GRM8: variants seen among roughly 807,000 people sequenced by gnomAD.
The protein encoded by GRM8 is glutamate metabotropic receptor 8, also known as metabotropic glutamate receptor 8.
A neutral mutation model predicts 87.2 loss-of-function variants in GRM8; 47 were observed. The ratio of observed to expected loss-of-function variants is 0.54; its 90% confidence interval spans 0.43 to 0.69. GRM8 has a LOEUF of 0.69. GRM8 is among the 30% of genes least tolerant of loss of function. GRM8 has a pLI of 0.00. For missense variants in GRM8, 1,019 were observed against 1,139.2 expected, an observed-to-expected ratio of 0.89 and a Z score of 1.52; for synonymous variants, 396 against 404.5, an observed-to-expected ratio of 0.98 and a Z score of 0.25.
chr7:127,067,770 A>G (rs1427455661), intron 3 of GRM8, among the ~76,000 whole-genome samples: 1 of 152,214 alleles, frequency 6.6e-6, no homozygotes, highest in Admixed American at 6.5e-5. Flanking sequence ...TTAGAATAGT[A>G]TGTCAGGTTC....
At chr7:126,655,169 CAAT>C (rs1327440941) in intron 7 of GRM8, among the ~76,000 whole-genome samples, 11 of 152,146 alleles carry the variant, frequency 7.2e-5, no homozygotes, top group African/African-American at 2.7e-4. Flanking sequence ...GTCATAAAGA[CAAT>C]AATAATATCC....
At chr7:127,124,990 T>C (rs1181374597) in intron 2 of GRM8, among the ~76,000 whole-genome samples, 13 of 152,250 alleles carry the variant, frequency 8.5e-5, no homozygotes, top group Non-Finnish European at 1.2e-4. Context: ...ATTAAGACTA[T>C]ACAGAAATAC....
chr7:127,133,516 C>G (rs1247363029), intron 2 of GRM8, among the ~76,000 whole-genome samples: 1 of 151,488 alleles, frequency 6.6e-6, no homozygotes, highest in Non-Finnish European at 1.5e-5. Flanking sequence ...ACCATCCTGG[C>G]TAACGCAGTG....
chr7:126,584,134 T>G (rs1795872855), intron 8 of GRM8, among the ~76,000 whole-genome samples: 1 of 152,220 alleles, frequency 6.6e-6, no homozygotes, highest in African/African-American at 2.4e-5. Context: ...AATTAGCACT[T>G]TTTAACAATT....
At chr7:126,802,023 C>T (rs975198854) in intron 6 of GRM8, among the ~76,000 whole-genome samples, 19 of 152,128 alleles carry the variant, frequency 1.2e-4, no homozygotes, top group African/African-American at 2.7e-4. Flanking sequence ...GATAGCTCTA[C>T]GTTTCCCTTG....
intron 3 of GRM8, among the ~76,000 whole-genome samples, chr7:126,953,073 A>G (rs1808328241): frequency 6.6e-6 from 1 of 152,082 alleles, no homozygotes. Context: ...CATTTTTGCA[A>G]CTTTTCTTTA....
intron 3 of GRM8, among the ~76,000 whole-genome samples, chr7:126,996,909 C>T (rs1411251293): frequency 6.6e-6 from 1 of 151,920 alleles, no homozygotes; most frequent in Non-Finnish European, 1.5e-5. Context: ...TCCAAAGAAA[C>T]ATCAGACTTA....
chr7:126,622,124 T>C (rs946369218), intron 7 of GRM8, among the ~76,000 whole-genome samples: 4 of 152,140 alleles, frequency 2.6e-5, no homozygotes, highest in African/African-American at 9.7e-5. Context: ...TGATAAAATT[T>C]TATTGTCTGA....
intron 7 of GRM8, among the ~76,000 whole-genome samples, chr7:126,722,734 C>T (rs974964116): frequency 6.6e-6 from 1 of 151,598 alleles, no homozygotes; most frequent in Admixed American, 6.6e-5. Context: ...TTACGTATCA[C>T]AATAATAATT....
chr7:126,817,051 C>T (rs1006323263), intron 6 of GRM8, among the ~76,000 whole-genome samples: 1 of 152,046 alleles, frequency 6.6e-6, no homozygotes, highest in African/African-American at 2.4e-5. Flanking sequence ...ATATCAATTT[C>T]TCATGCTATG....
intron 2 of GRM8, among the ~76,000 whole-genome samples, chr7:127,163,239 G>T (rs910672969): frequency 2.0e-5 from 3 of 152,154 alleles, no homozygotes. Flanking sequence ...AAGCTTATCA[G>T]GCAGGGGCCA....
chr7:127,219,140 T>C (rs1198054744), intron 2 of GRM8, among the ~76,000 whole-genome samples: 5 of 112,302 alleles, frequency 4.5e-5, no homozygotes, highest in Non-Finnish European at 9.0e-5. Flanking sequence ...CCAAGTGCCC[T>C]CTTGACATAG....
chr7:126,714,042 C>T (rs866111809), intron 7 of GRM8, among the ~76,000 whole-genome samples: 53 of 150,950 alleles, frequency 3.5e-4, no homozygotes, highest in Middle Eastern at 3.2e-3. Context: ...GAGGTCGAGG[C>T]GGGCGGATCA....
intron 2 of GRM8, among the ~76,000 whole-genome samples, chr7:127,226,704 T>A (rs1563593405): frequency 6.6e-6 from 1 of 152,248 alleles, no homozygotes. Flanking sequence ...AATTTGGCTC[T>A]TTCTGTCTTG....
intron 7 of GRM8, among the ~76,000 whole-genome samples, chr7:126,616,234 C>T (rs1187735032): frequency 6.6e-6 from 1 of 152,206 alleles, no homozygotes; most frequent in Non-Finnish European, 1.5e-5. Flanking sequence ...CTCAAAACTG[C>T]TCAACTACAT....
chr7:126,606,009 G>C (rs1422166709), intron 8 of GRM8, among the ~76,000 whole-genome samples: 1 of 152,204 alleles, frequency 6.6e-6, no homozygotes, highest in Non-Finnish European at 1.5e-5. Context: ...TATGAGCACA[G>C]ACTGAATTTC....
intron 6 of GRM8, among the ~76,000 whole-genome samples, chr7:126,782,170 G>A (rs189656150): frequency 6.6e-6 from 1 of 152,152 alleles, no homozygotes; most frequent in Non-Finnish European, 1.5e-5. Flanking sequence ...CTTTATTTCA[G>A]TTGAGAGGTG....
At position 127,124,010 on chromosome 7, in the gene GRM8, C is replaced by T. The variant is rs7810466; in HGVS notation, c.511-17298G>A. Among the ~76,000 whole-genome samples, 325 of 152,262 alleles carry T rather than the reference C, an allele frequency of 2.1e-3. 4 individuals carry two copies. The highest frequency in any genetic ancestry group is 7.4e-3 in the African/African-American group (307 of 41,544). ...CTTGACACTGTAGATTATTGCCTCT[C>T]TCTTTCAAGTCATTAACCACATACT... is the stretch of plus-strand genomic sequence containing the variant. On this transcript the variant is annotated intron_variant, in intron 2 of 10. Coordinates refer to ENST00000339582, the MANE Select transcript of GRM8 (RefSeq NM_000845.3).
At chr7:126,506,649 C>T (rs1057263378) in intron 9 of GRM8, among the ~76,000 whole-genome samples, 24 of 151,640 alleles carry the variant, frequency 1.6e-4, no homozygotes, top group South Asian at 6.2e-4. Flanking sequence ...CATGGTGGTG[C>T]GCACCTGTAA....
Sources: allele counts gnomAD v4.1 joint callset (sites outside exome capture counted in the v4.1 genomes callset), GRCh38; gene constraint gnomAD v4.1.1; transcripts MANE v1.5; gene names NCBI Gene and HGNC (gene_info 2026-07-23, HGNC 2026-07-21).